FSHR: variants seen among roughly 807,000 people sequenced by gnomAD.
The protein encoded by FSHR is follicle stimulating hormone receptor, also known as follicle-stimulating hormone receptor.
A neutral mutation model predicts 52.1 loss-of-function variants in FSHR; 46 were observed. The ratio of observed to expected loss-of-function variants is 0.88; its 90% CI spans 0.70 to 1.13. The LOEUF is 1.13. Ranked by LOEUF, FSHR falls within the 50% of genes most tolerant of loss-of-function variation. The probability of loss-of-function intolerance (pLI) is 0.00; values close to 1 mark genes in which losing one functional copy is unlikely to be tolerated. For missense variants in FSHR, 964 were observed against 834.6 expected (o/e 1.16, Z -1.91); for synonymous variants, 399 against 309.6 (o/e 1.29, Z -3.03).
At chr2:49,075,622 T>C (rs1669922211) in intron 1 of FSHR, among the ~76,000 whole-genome samples, 1 of 152,118 alleles carries the variant, frequency 6.6e-6, no homozygotes, top group African/African-American at 2.4e-5. Flanking sequence ...TCTACAATTT[T>C]ATAACATTAC....
At chr2:48,989,906 G>T (rs1392679009) in intron 5 of FSHR, among the ~76,000 whole-genome samples, 1 of 152,118 alleles carries the variant, frequency 6.6e-6, no homozygotes, top group African/African-American at 2.4e-5. Context: ...TACAAGTAGT[G>T]TAGTAAACAG....
rs571099620 is a variant in FSHR at position 49,039,581 on chromosome 2, A to T, written c.225-19421T>A. ...TTTTATTCAGCAAGGCTTTTGGCTTAGACTAGAGGTGACATGTTCCTTGCA... is the reference window on the plus strand; with the variant it reads ...TTTTATTCAGCAAGGCTTTTGGCTTTGACTAGAGGTGACATGTTCCTTGCA... On this transcript the variant is annotated intron_variant, in intron 2 of 9. Coordinates refer to ENST00000406846, the MANE Select transcript of FSHR (RefSeq NM_000145.4). 6.6e-5 allele frequency among the ~76,000 whole-genome samples: 10 copies of T among 152,344 alleles called. No homozygotes were observed. The South Asian group carries it at 1.9e-3, about 28-fold the overall frequency.
At chr2:48,990,510 T>C (rs1414926807) in intron 5 of FSHR, 56 bp downstream of exon 5, 3 of 1,133,672 alleles carry the variant, frequency 2.6e-6, no homozygotes, top group Non-Finnish European at 2.7e-6. Flanking sequence ...CAGATAGCCG[T>C]TGGGCAAGAC....
intron 1 of FSHR, among the ~76,000 whole-genome samples, chr2:49,084,362 T>C (rs1275231145): frequency 2.0e-5 from 3 of 151,762 alleles, no homozygotes; most frequent in Admixed American, 6.6e-5. Flanking sequence ...AGAGGGAAAT[T>C]TATAGCACTA....
chr2:49,141,924 C>G (rs1281918474), intron 1 of FSHR, among the ~76,000 whole-genome samples: 1 of 152,120 alleles, frequency 6.6e-6, no homozygotes, highest in Non-Finnish European at 1.5e-5. Flanking sequence ...TGACTTTGGG[C>G]TAATTCTTAA....
chr2:48,972,191 T>G (rs946720008), intron 8 of FSHR, among the ~76,000 whole-genome samples: 1 of 152,244 alleles, frequency 6.6e-6, no homozygotes, highest in African/African-American at 2.4e-5. Context: ...AAAACTTTGA[T>G]GCCTACCTGG....
chr2:48,996,226 A>T (rs575213611), intron 4 of FSHR, among the ~76,000 whole-genome samples: 3 of 152,110 alleles, frequency 2.0e-5, no homozygotes, highest in African/African-American at 7.2e-5. Flanking sequence ...GTTGAAGTTG[A>T]CTCCTTCCTC....
chr2:49,082,960 G>A (rs1451215319), intron 1 of FSHR, among the ~76,000 whole-genome samples: 1 of 151,788 alleles, frequency 6.6e-6, no homozygotes, highest in Non-Finnish European at 1.5e-5. Flanking sequence ...ATCGAGCAAG[G>A]CAGGCCAACA....
chr2:48,972,618 A>G (rs1322015143), intron 8 of FSHR, among the ~76,000 whole-genome samples: 6 of 152,096 alleles, frequency 3.9e-5, no homozygotes, highest in African/African-American at 1.4e-4. Context: ...CTTATCTGTC[A>G]TTTGGGTTCC....
At chr2:48,965,164 G>A (rs1159552959) in intron 9 of FSHR, among the ~76,000 whole-genome samples, 4 of 152,130 alleles carry the variant, frequency 2.6e-5, no homozygotes, top group Non-Finnish European at 5.9e-5. Flanking sequence ...AGGTGGCTAG[G>A]GGAGTGGAGG....
chr2:49,134,088 A>G (rs1256161154), intron 1 of FSHR, among the ~76,000 whole-genome samples: 1 of 152,206 alleles, frequency 6.6e-6, no homozygotes, highest in Non-Finnish European at 1.5e-5. Flanking sequence ...TAGACTAAAG[A>G]GCTTCTGCAT....
intron 1 of FSHR, among the ~76,000 whole-genome samples, chr2:49,148,707 G>T (rs1363884375): frequency 6.6e-6 from 1 of 152,056 alleles, no homozygotes; most frequent in Non-Finnish European, 1.5e-5. Flanking sequence ...CAACCTTTGA[G>T]CAAGATTATA....
chr2:49,090,074 A>G (rs1488399387), intron 1 of FSHR, among the ~76,000 whole-genome samples: 1 of 152,198 alleles, frequency 6.6e-6, no homozygotes, highest in Non-Finnish European at 1.5e-5. Context: ...TTCTCACTAC[A>G]GTGAAACAAA....
intron 2 of FSHR, among the ~76,000 whole-genome samples, chr2:49,027,116 A>T (rs913285423): frequency 1.3e-5 from 2 of 152,144 alleles, no homozygotes; most frequent in African/African-American, 4.8e-5. Context: ...TAAGTTTTTA[A>T]TTCTGCTGCC....
chr2:49,026,224 A>G (rs893541301), intron 2 of FSHR, among the ~76,000 whole-genome samples: 2 of 152,230 alleles, frequency 1.3e-5, no homozygotes, highest in Non-Finnish European at 2.9e-5. Flanking sequence ...CAAATACATC[A>G]ACAACAAACG....
intron 1 of FSHR, among the ~76,000 whole-genome samples, chr2:49,140,661 T>G (rs931631381): frequency 3.8e-4 from 57 of 151,062 alleles, no homozygotes; most frequent in Non-Finnish European, 4.6e-4. Context: ...GATTGCACCA[T>G]TGCACTCCAT....
intron 1 of FSHR, among the ~76,000 whole-genome samples, chr2:49,077,331 G>A (rs1222754627): frequency 3.9e-5 from 6 of 152,198 alleles, no homozygotes; most frequent in Non-Finnish European, 7.3e-5. Flanking sequence ...GCTATGGCCC[G>A]AGCTCTATGT....
At position 49,017,625 on chromosome 2, in the gene FSHR, A is replaced by G. The variant is rs947119619; in HGVS notation, c.300-62T>C. The G allele has an allele frequency of 3.3e-6, 4 of 1,230,326 alleles. No homozygotes were observed. In the African/African-American group the frequency reaches 6.0e-5, roughly 18 times the overall value. 76.2% of individuals were successfully genotyped at this position (1,230,326 alleles called of 1,614,324 possible). ...GGTAAGGAATGCTGTAGTATTTTTC[A>G]CATTTTACAGAGTACATAATAAATC... On this transcript the variant is annotated intron_variant, in intron 3 of 9. Coordinates refer to ENST00000406846, the MANE Select transcript of FSHR (RefSeq NM_000145.4).
chr2:48,992,239 A>G (rs1031510981), intron 4 of FSHR, among the ~76,000 whole-genome samples: 1 of 152,186 alleles, frequency 6.6e-6, no homozygotes, highest in Non-Finnish European at 1.5e-5. Context: ...ATGGGCTAAG[A>G]CAAATACATA....
Sources: allele counts gnomAD v4.1 joint callset (sites outside exome capture counted in the v4.1 genomes callset), GRCh38; gene constraint gnomAD v4.1.1; transcripts MANE v1.5; gene names NCBI Gene and HGNC (gene_info 2026-07-23, HGNC 2026-07-21).